CD109: variants seen among roughly 807,000 people sequenced by gnomAD.
The protein encoded by CD109 is CD109 antigen.
CD109 carries 149 observed loss-of-function variants against 165.8 expected under a neutral mutation model. The ratio of observed to expected loss-of-function variants is 0.90; its 90% CI spans 0.79 to 1.03. CD109 has a LOEUF of 1.03. Among genes scored for constraint, CD109 ranks in the 50% least tolerant of loss-of-function variants. CD109 has a pLI of 0.00. For missense variants in CD109, 1,712 were observed against 1,677.8 expected (o/e 1.02, Z -0.36); for synonymous variants, 585 against 592.1 (o/e 0.99, Z 0.18).
chr6:73,751,635 G>A (rs776826740), intron 5 of CD109, among the ~76,000 whole-genome samples: 7 of 152,140 alleles, frequency 4.6e-5, no homozygotes, highest in Non-Finnish European at 1.0e-4. Flanking sequence ...ACCCTTTAGA[G>A]TTTTCAGGTG....
In CD109 at chr6:73,807,987, C is replaced by T. The variant is rs141662760; in HGVS notation, c.3190-96C>T. Reference sequence around the variant, plus strand: ...GGTCAGGTACTTCATAGACACTGAACTTATTTTTTAAATGCATGTTTCAAA... The same window carrying T: ...GGTCAGGTACTTCATAGACACTGAATTTATTTTTTAAATGCATGTTTCAAA... On this transcript the variant is annotated intron_variant, in intron 25 of 32. Coordinates refer to ENST00000287097, the MANE Select transcript of CD109 (RefSeq NM_133493.5). 29 of 1,097,038 alleles carry T rather than the reference C, an allele frequency of 2.6e-5. No homozygotes were observed. In the Admixed American group the frequency reaches 7.1e-4, roughly 27 times the overall value. 68.0% of individuals were successfully genotyped at this position (1,097,038 alleles called of 1,614,324 possible).
At chr6:73,758,358 A>C (rs1773479529) in intron 6 of CD109, among the ~76,000 whole-genome samples, 1 of 152,122 alleles carries the variant, frequency 6.6e-6, no homozygotes, top group Admixed American at 6.6e-5. Flanking sequence ...TTATAGTATT[A>C]GTACTTATAA....
intron 24 of CD109, among the ~76,000 whole-genome samples, chr6:73,805,143 AAAAG>A (rs145867531): frequency 1.6e-4 from 25 of 152,274 alleles, no homozygotes; most frequent in African/African-American, 6.0e-4. Flanking sequence ...AGCTGTGGGG[AAAAG>A]AAAGAGAGAT....
In CD109 at chr6:73,791,190, T is replaced by TATATATAC. The variant is rs1352766740; in HGVS notation, c.2702-1435_2702-1434insTATATACA. ...ATATATATATATACACACACACACA[T>TATATATAC]ACATATATATATATATATATATATA... On this transcript the variant is annotated intron_variant, in intron 22 of 32. Transcript: ENST00000287097. Among the ~76,000 whole-genome samples, 4 of 13,534 alleles carry TATATATAC rather than the reference T, an allele frequency of 3.0e-4. 1 individual carries two copies. In the East Asian group the frequency reaches 9.3e-3, roughly 32 times the overall value. The allele number at this position is 13,534 out of a possible 152,430, so 8.9% of individuals were successfully genotyped here.
rs1022642397 is a variant in CD109 at position 73,809,898 on chromosome 6, A to G, written c.3356-86A>G. The G allele has an allele frequency of 5.0e-6, 5 of 1,008,844 alleles. No homozygotes were observed. The African/African-American group carries it at 6.7e-5, about 14-fold the overall frequency. 62.5% of individuals were successfully genotyped at this position (1,008,844 alleles called of 1,614,324 possible). ...ATATTTTTTATGCTAGTTAAGTACAACTTGGACCAGAGTAGGAATATTTAA... is the reference window on the plus strand; with the variant it reads ...ATATTTTTTATGCTAGTTAAGTACAGCTTGGACCAGAGTAGGAATATTTAA... On this transcript the variant is annotated intron_variant, in intron 26 of 32. Coordinates refer to ENST00000287097, the MANE Select transcript of CD109 (RefSeq NM_133493.5).
chr6:73,784,976 G>C (rs1396900944), intron 19 of CD109, among the ~76,000 whole-genome samples: 2 of 152,094 alleles, frequency 1.3e-5, no homozygotes, highest in Non-Finnish European at 2.9e-5. Flanking sequence ...GACAGGCTGG[G>C]TTCTAGTTCT....
At chr6:73,761,808 AC>A (rs1773644760) in intron 7 of CD109, among the ~76,000 whole-genome samples, 1 of 152,026 alleles carries the variant, frequency 6.6e-6, no homozygotes, top group Non-Finnish European at 1.5e-5. Context: ...GGCATGAGCC[AC>A]CGTGCCCATC....
chr6:73,697,695 T>C, intron 2 of CD109, 123 bp downstream of exon 2: 1 of 708,910 alleles, frequency 1.4e-6, no homozygotes, highest in East Asian at 2.7e-5. Context: ...TAATATACTT[T>C]TAATTCTCAC....
In CD109 at chr6:73,766,767, C is replaced by G. The variant is rs1424001051; in HGVS notation, c.1341C>G (p.Phe447Leu). The change falls in exon 12 of 33, where the codon TTC becomes TTG. Residue 447 changes from phenylalanine (F) to leucine (L), a missense_variant. Transcript: ENST00000287097. ...DSSELQLKAY[F>L]LGSKSSMAVH... ...TTTTTCTTTTATTATAGGCCTATTT[C>G]CTTGGTAGTAAAAGTAGCATGGCAG... 1.2e-6 allele frequency: 2 copies of G among 1,609,158 alleles called. No homozygotes were observed. Among genetic ancestry groups the G allele is most frequent in the Admixed American group, 1.7e-5 (1 of 59,736 alleles).
At chr6:73,769,536 C>A (rs1458715770) in intron 14 of CD109, among the ~76,000 whole-genome samples, 21 of 152,124 alleles carry the variant, frequency 1.4e-4, no homozygotes, top group Admixed American at 1.4e-3. Context: ...GTTCCATTTG[C>A]AACTATATAT....
chr6:73,750,869 C>T (rs1307986386), intron 5 of CD109, among the ~76,000 whole-genome samples: 1 of 152,136 alleles, frequency 6.6e-6, no homozygotes, highest in African/African-American at 2.4e-5. Flanking sequence ...CTTCCCTACT[C>T]CTTGGATAAA....
intron 7 of CD109, among the ~76,000 whole-genome samples, chr6:73,760,406 C>CAAAAAAAAA (rs35181896): frequency 6.0e-5 from 1 of 16,596 alleles, no homozygotes; most frequent in African/African-American, 1.6e-4. Flanking sequence ...GACCCCGTCT[C>CAAAAAAAAA]AAAAAAAAAA....
At chr6:73,756,517 C>A in intron 5 of CD109, 126 bp from the exon 6 acceptor site, 1 of 631,148 alleles carries the variant, frequency 1.6e-6, no homozygotes, top group South Asian at 2.1e-5. Context: ...CAAGTTTGTT[C>A]ATTGCATCAT....
At chr6:73,731,311 G>T (rs189241137) in intron 4 of CD109, among the ~76,000 whole-genome samples, 1 of 152,242 alleles carries the variant, frequency 6.6e-6, no homozygotes, top group East Asian at 1.9e-4. Context: ...GATTATAGGC[G>T]TGAGCCACTG....
intron 2 of CD109, among the ~76,000 whole-genome samples, chr6:73,712,827 A>G (rs555299562): frequency 9.9e-5 from 15 of 152,272 alleles, no homozygotes; most frequent in African/African-American, 3.1e-4. Flanking sequence ...TATACACAGA[A>G]ATGATTGGAG....
intron 15 of CD109, among the ~76,000 whole-genome samples, chr6:73,776,984 ATTTT>A (rs36173181): frequency 0.34 from 33,851 of 101,000 alleles, 3,890 homozygotes; most frequent in East Asian, 0.4. Flanking sequence ...TCCTTTGCCC[ATTTT>A]TTTTTTTTTT....
intron 14 of CD109, among the ~76,000 whole-genome samples, chr6:73,770,582 T>C (rs1218168188): frequency 6.6e-6 from 1 of 151,984 alleles, no homozygotes. Context: ...CTGTCTCTAC[T>C]AAAAAAGTTA....
At chr6:73,750,006 C>A (rs1773129186) in intron 5 of CD109, among the ~76,000 whole-genome samples, 1 of 152,132 alleles carries the variant, frequency 6.6e-6, no homozygotes, top group Non-Finnish European at 1.5e-5. Flanking sequence ...ATACGAATAC[C>A]TTCAATGTTA....
chr6:73,740,663 G>C (rs145816150), intron 5 of CD109, among the ~76,000 whole-genome samples: 6,458 of 150,168 alleles, frequency 0.043, 495 homozygotes, highest in African/African-American at 0.15. Flanking sequence ...TGTGATCTCG[G>C]CTCACTGAAA....
Sources: gnomAD v4.1 joint callset for allele counts (sites outside exome capture counted in the v4.1 genomes callset) on GRCh38, gnomAD v4.1.1 for gene constraint, MANE v1.5 for transcripts, NCBI Gene and HGNC (gene_info 2026-07-23, HGNC 2026-07-21) for gene names.